Variants in KCNAB1 observed in about 807,000 individuals in gnomAD.
The protein encoded by KCNAB1 is potassium voltage-gated channel subfamily A regulatory beta subunit 1.
In KCNAB1, 35 loss-of-function variants were observed where a neutral mutation model predicts 64.6. That is an observed-to-expected ratio of 0.54 (90% CI 0.41 to 0.72). KCNAB1 has a LOEUF of 0.72. Ranked by LOEUF, KCNAB1 falls within the 30% of genes least tolerant of loss-of-function variation. The probability of loss-of-function intolerance (pLI) is 0.00; values close to 1 mark genes in which losing one functional copy is unlikely to be tolerated. For synonymous variants in KCNAB1, 177 were observed against 183.8 expected (o/e 0.96, Z 0.30); for missense variants, 401 against 512.9 (o/e 0.78, Z 2.11).
chr3:156,247,395 AC>A (rs1717522361), intron 1 of KCNAB1, among the ~76,000 whole-genome samples: 1 of 152,214 alleles, frequency 6.6e-6, no homozygotes, highest in Non-Finnish European at 1.5e-5. Flanking sequence ...AAAAATGCTA[AC>A]AAAATTACCC....
At chr3:156,413,154 A>G (rs946893862) in intron 1 of KCNAB1, among the ~76,000 whole-genome samples, 1 of 152,194 alleles carries the variant, frequency 6.6e-6, no homozygotes, top group Non-Finnish European at 1.5e-5. Context: ...AGTTAACTGG[A>G]GAGGTAGAGG....
chr3:156,313,227 T>C (rs1722044223), intron 1 of KCNAB1, among the ~76,000 whole-genome samples: 1 of 152,208 alleles, frequency 6.6e-6, no homozygotes, highest in South Asian at 2.1e-4. Flanking sequence ...ATTTGCTGGA[T>C]TCAATATTAA....
intron 1 of KCNAB1, among the ~76,000 whole-genome samples, chr3:156,189,920 T>C (rs1167686197): frequency 6.6e-6 from 1 of 152,196 alleles, no homozygotes; most frequent in Non-Finnish European, 1.5e-5. Context: ...CAGATTCTGA[T>C]ACCCATGCTG....
chr3:156,302,602 C>T (rs545299553), intron 1 of KCNAB1, among the ~76,000 whole-genome samples: 1 of 152,308 alleles, frequency 6.6e-6, no homozygotes, highest in Admixed American at 6.5e-5. Flanking sequence ...ATAAAACTCT[C>T]ATTTACATTG....
At chr3:156,233,308 G>A (rs1044866805) in intron 1 of KCNAB1, among the ~76,000 whole-genome samples, 3 of 152,188 alleles carry the variant, frequency 2.0e-5, no homozygotes, top group Non-Finnish European at 1.5e-5. Flanking sequence ...ACAGGGGGCT[G>A]CAAGTGTAAA....
At chr3:156,338,198 T>C (rs1723843690) in intron 1 of KCNAB1, among the ~76,000 whole-genome samples, 1 of 151,868 alleles carries the variant, frequency 6.6e-6, no homozygotes, top group Admixed American at 6.6e-5. Flanking sequence ...TGTTCAAAGG[T>C]TTTGCATATG....
intron 5 of KCNAB1, 86 bp from the exon 6 acceptor site, chr3:156,463,616 T>C: frequency 9.4e-7 from 1 of 1,058,832 alleles, no homozygotes; most frequent in Non-Finnish European, 1.4e-6. Context: ...TAACAAATTC[T>C]TTCTGGTGCT....
intron 10 of KCNAB1, 22 bp from the exon 11 acceptor site, chr3:156,516,248 T>A: frequency 6.3e-7 from 1 of 1,589,848 alleles, no homozygotes; most frequent in Non-Finnish European, 8.6e-7. Context: ...ACAAGCAACT[T>A]TCTAAGTTTT....
Position 156,459,185 on chromosome 3 carries a change from G to A in KCNAB1, c.438-642G>A, listed in dbSNP as rs1712693235. Among the ~76,000 whole-genome samples, 6 of 152,276 alleles carry A rather than the reference G, an allele frequency of 3.9e-5. No homozygotes were observed. In the South Asian group the frequency reaches 1.2e-3, roughly 32 times the overall value. On this transcript the variant is annotated intron_variant, in intron 4 of 13. Transcript: ENST00000490337. ...ATAGAACATTTGTCTCCTCAATCTTGGGTCCCAGCCTGGGTAGGTGGAAGA... is the reference window on the plus strand; with the variant it reads ...ATAGAACATTTGTCTCCTCAATCTTAGGTCCCAGCCTGGGTAGGTGGAAGA...
chr3:156,417,509 G>A (rs1302473382), intron 1 of KCNAB1, among the ~76,000 whole-genome samples: 4 of 152,160 alleles, frequency 2.6e-5, no homozygotes. Flanking sequence ...ATTTTTGCAA[G>A]CTACTTTTCT....
At chr3:156,324,902 A>G (rs575734155) in intron 1 of KCNAB1, among the ~76,000 whole-genome samples, 3 of 152,202 alleles carry the variant, frequency 2.0e-5, no homozygotes, top group South Asian at 4.1e-4. Flanking sequence ...CACTAGAATC[A>G]TAGGTTTTCT....
chr3:156,465,726 C>G, intron 7 of KCNAB1, 40 bp downstream of exon 7: 2 of 1,536,040 alleles, frequency 1.3e-6, no homozygotes, highest in Non-Finnish European at 1.8e-6. Context: ...GGTTGTGGGC[C>G]CCTCATTCAA....
intron 1 of KCNAB1, among the ~76,000 whole-genome samples, chr3:156,354,343 G>A (rs1402723851): frequency 6.6e-6 from 1 of 151,106 alleles, no homozygotes; most frequent in African/African-American, 2.4e-5. Flanking sequence ...TGTATTTTTA[G>A]TAGGATGGGG....
chr3:156,242,686 T>C (rs1386324866), intron 1 of KCNAB1, among the ~76,000 whole-genome samples: 2 of 151,992 alleles, frequency 1.3e-5, no homozygotes, highest in African/African-American at 4.8e-5. Flanking sequence ...CAGTAATATT[T>C]CAAAGATGCA....
chr3:156,185,222 A>C (rs1230092345), intron 1 of KCNAB1, among the ~76,000 whole-genome samples: 1 of 152,182 alleles, frequency 6.6e-6, no homozygotes, highest in East Asian at 1.9e-4. Context: ...TTCAGTCTTC[A>C]GGGCTGAGCA....
rs537957148 is a variant in KCNAB1, at chr3:156,381,347, AAGAGTCCCAGT to A, written c.276-40264_276-40254del. Among the ~76,000 whole-genome samples the A allele has an allele frequency of 3.3e-4, 51 of 152,314 alleles. No individual in the cohort carries two copies. In the East Asian group the frequency reaches 9.8e-3, roughly 29 times the overall value. ...TCCAAAGTGTGTAGCAGTTTTAGAG[AAGAGTCCCAGT>A]AGAGGATACTGAGGGGATTCTGGTG... On this transcript the variant is annotated intron_variant, in intron 1 of 13. Transcript: ENST00000490337.
chr3:156,202,384 C>T (rs1714391403), intron 1 of KCNAB1, among the ~76,000 whole-genome samples: 1 of 152,196 alleles, frequency 6.6e-6, no homozygotes, highest in South Asian at 2.1e-4. Flanking sequence ...GCAGTGTTCT[C>T]GGCTTCCTCC....
intron 1 of KCNAB1, among the ~76,000 whole-genome samples, chr3:156,356,884 G>A (rs1725279749): frequency 6.6e-6 from 1 of 152,164 alleles, no homozygotes; most frequent in Non-Finnish European, 1.5e-5. Flanking sequence ...GAGGGACTGT[G>A]GTGTCAGAAG....
rs570894221 is a variant in KCNAB1, at chr3:156,470,229, T to G, written c.572-4505T>G. ...CACAAGGAAGAGGAAGAAATTTCAC[T>G]AGCAGATTGATTACACTCATTTAGA... On this transcript the variant is annotated intron_variant, in intron 7 of 13. Coordinates refer to ENST00000490337, the MANE Select transcript of KCNAB1 (RefSeq NM_172160.3). 1.1e-4 allele frequency among the ~76,000 whole-genome samples: 16 copies of G among 152,352 alleles called. 1 individual carries two copies. Among genetic ancestry groups the G allele is most frequent in the Middle Eastern group, 3.4e-3 (1 of 294 alleles).
Sources: allele counts gnomAD v4.1 joint callset (sites outside exome capture counted in the v4.1 genomes callset), GRCh38; gene constraint gnomAD v4.1.1; transcripts MANE v1.5; gene names NCBI Gene and HGNC (gene_info 2026-07-23, HGNC 2026-07-21).